Variants in BLTP3A observed in about 807,000 individuals in gnomAD.
BLTP3A encodes the protein bridge-like lipid transfer protein family member 3A.
At chr6:34,841,172 T>G in the BLTP3A span, among the ~76,000 whole-genome samples, 3 of 152,038 alleles carry the variant, frequency 2.0e-5, no homozygotes, top group Non-Finnish European at 4.4e-5. Context: ...TTTTTTTTGA[T>G]TCTCACACCT....
At chr6:34,859,449 G>T in the BLTP3A span, 1 of 1,614,072 alleles carries the variant, frequency 6.2e-7, no homozygotes, top group African/African-American at 1.3e-5. Flanking sequence ...CCACCAAGGA[G>T]GCTCTACATG....
At chr6:34,796,121 T>C in the BLTP3A span, among the ~76,000 whole-genome samples, 2 of 152,204 alleles carry the variant, frequency 1.3e-5, no homozygotes, top group Non-Finnish European at 2.9e-5. Context: ...AATAAAGATA[T>C]AGTGTATTAA....
chr6:34,821,512 C>T, the BLTP3A span: 1 of 783,680 alleles, frequency 1.3e-6, no homozygotes, highest in Non-Finnish European at 2.0e-6. Flanking sequence ...TGTGTTCCTT[C>T]ACTCCCACTG....
the BLTP3A span, chr6:34,857,545 T>C: frequency 1.9e-6 from 3 of 1,556,730 alleles, no homozygotes; most frequent in Non-Finnish European, 2.6e-6. Flanking sequence ...CCACTACGTA[T>C]ATTTTTATTT....
chr6:34,822,300 C>G, the BLTP3A span, among the ~76,000 whole-genome samples: 3 of 148,874 alleles, frequency 2.0e-5, no homozygotes, highest in Admixed American at 6.8e-5. Context: ...GTCACTAAGG[C>G]TGGAGTGCCA....
the BLTP3A span, among the ~76,000 whole-genome samples, chr6:34,801,423 A>AT: frequency 5.3e-3 from 802 of 151,878 alleles, 6 homozygotes; most frequent in African/African-American, 0.016. Context: ...GGGGAAAAGT[A>AT]TTTTTTTTCC....
chr6:34,849,983 G>A, the BLTP3A span, among the ~76,000 whole-genome samples: 1 of 151,836 alleles, frequency 6.6e-6, no homozygotes, highest in Non-Finnish European at 1.5e-5. Context: ...TCTACTAAAA[G>A]AAATACAAAA....
At chr6:34,829,885 A>G in the BLTP3A span, among the ~76,000 whole-genome samples, 8 of 151,896 alleles carry the variant, frequency 5.3e-5, no homozygotes, top group East Asian at 1.5e-3. Context: ...GCTCACTGCA[A>G]CCTCCACCTC....
chr6:34,801,692 A>G, the BLTP3A span, among the ~76,000 whole-genome samples: 1 of 152,138 alleles, frequency 6.6e-6, no homozygotes, highest in Non-Finnish European at 1.5e-5. Flanking sequence ...AAAATATCGC[A>G]CAGCTTTATT....
the BLTP3A span, among the ~76,000 whole-genome samples, chr6:34,839,160 G>C: frequency 2.6e-5 from 4 of 152,248 alleles, no homozygotes; most frequent in African/African-American, 9.6e-5. Flanking sequence ...TGAGGCAGGA[G>C]AATTGCTTGA....
the BLTP3A span, among the ~76,000 whole-genome samples, chr6:34,830,753 A>G: frequency 6.6e-6 from 1 of 152,174 alleles, no homozygotes; most frequent in African/African-American, 2.4e-5. Flanking sequence ...TTGTTGGGTT[A>G]TGGGTTCTGT....
chr6:34,868,756 C>T, the BLTP3A span, among the ~76,000 whole-genome samples: 6 of 148,052 alleles, frequency 4.1e-5, no homozygotes, highest in African/African-American at 1.5e-4. Flanking sequence ...CTCGGTGTGG[C>T]GGTGCGTGCC....
chr6:34,847,010 G>C, the BLTP3A span, among the ~76,000 whole-genome samples: 1,154 of 152,236 alleles, frequency 7.6e-3, 21 homozygotes, highest in African/African-American at 0.025. Context: ...TCAGTATCAG[G>C]TAAAATGATC....
chr6:34,872,518 A>G, the BLTP3A span: 1 of 1,477,786 alleles, frequency 6.8e-7, no homozygotes, highest in Non-Finnish European at 9.0e-7. Context: ...GGCACTGTCC[A>G]GTGCTGAATA....
the BLTP3A span, among the ~76,000 whole-genome samples, chr6:34,846,596 T>A: frequency 6.6e-6 from 1 of 152,244 alleles, no homozygotes; most frequent in Non-Finnish European, 1.5e-5. Context: ...ATGCTACTGA[T>A]TTTTGTGTAT....
At chr6:34,793,649 A>G in the BLTP3A span, among the ~76,000 whole-genome samples, 1 of 152,214 alleles carries the variant, frequency 6.6e-6, no homozygotes, top group African/African-American at 2.4e-5. Flanking sequence ...TTTTACTCAG[A>G]TTAACGTAAT....
the BLTP3A span, among the ~76,000 whole-genome samples, chr6:34,809,382 G>A: frequency 1.3e-5 from 2 of 152,126 alleles, no homozygotes; most frequent in African/African-American, 4.8e-5. Context: ...TACAGAGCAA[G>A]ACTCTGTCTC....
At chr6:34,871,155 A>G in the BLTP3A span, 9 of 1,584,904 alleles carry the variant, frequency 5.7e-6, no homozygotes, top group African/African-American at 1.1e-4. Flanking sequence ...GTAAGGGCAC[A>G]TTGGTTTTTG....
chr6:34,830,864 C>A, the BLTP3A span, among the ~76,000 whole-genome samples: 28 of 152,162 alleles, frequency 1.8e-4, 1 homozygote, highest in South Asian at 5.8e-3. Flanking sequence ...TATTGTCTAT[C>A]TTTTCATTTT....
Sources: gnomAD v4.1 joint callset for allele counts (sites outside exome capture counted in the v4.1 genomes callset) on GRCh38, gnomAD v4.1.1 for gene constraint, MANE v1.5 for transcripts, NCBI Gene and HGNC (gene_info 2026-07-23, HGNC 2026-07-21) for gene names.